CPNE4: variants seen among roughly 807,000 people sequenced by gnomAD.
CPNE4 encodes the protein copine 4, also known as copine-4.
CPNE4 carries 25 observed loss-of-function variants against 67.9 expected under a neutral mutation model. The ratio of observed to expected loss-of-function variants is 0.37; its 90% CI spans 0.27 to 0.51. The LOEUF is 0.51. Ranked by LOEUF, CPNE4 falls within the 20% of genes least tolerant of loss-of-function variation. The pLI, the probability that CPNE4 is intolerant of heterozygous loss-of-function variation, is 0.93. For missense variants in CPNE4, 464 were observed against 690.8 expected (o/e 0.67, Z 3.68); for synonymous variants, 242 against 244.9 (o/e 0.99, Z 0.11).
chr3:131,904,009 T>C (rs542869804), intron 2 of CPNE4, among the ~76,000 whole-genome samples: 1 of 152,122 alleles, frequency 6.6e-6, no homozygotes, highest in South Asian at 2.1e-4. Flanking sequence ...AATAAACTTT[T>C]TGTAAAAACC....
chr3:131,847,870 G>C (rs930698734), intron 2 of CPNE4, among the ~76,000 whole-genome samples: 3 of 152,032 alleles, frequency 2.0e-5, no homozygotes, highest in African/African-American at 7.3e-5. Context: ...TGAACTCGAG[G>C]GTGAAAGTAG....
chr3:131,648,001 A>G (rs2079708913), intron 7 of CPNE4, among the ~76,000 whole-genome samples: 1 of 152,164 alleles, frequency 6.6e-6, no homozygotes, highest in African/African-American at 2.4e-5. Context: ...CTCTGACAAT[A>G]TCATTTTTCT....
intron 15 of CPNE4, among the ~76,000 whole-genome samples, chr3:131,536,278 G>A (rs982245403): frequency 3.3e-5 from 5 of 152,178 alleles, no homozygotes; most frequent in Admixed American, 3.3e-4. Flanking sequence ...GTGATTTATG[G>A]TGATGATTCT....
chr3:131,732,008 A>G (rs375600006), intron 2 of CPNE4, among the ~76,000 whole-genome samples: 2 of 152,148 alleles, frequency 1.3e-5, no homozygotes, highest in African/African-American at 4.8e-5. Flanking sequence ...GCAATTTAAA[A>G]ATCTACCCAG....
intron 2 of CPNE4, among the ~76,000 whole-genome samples, chr3:131,854,789 C>A (rs2086373282): frequency 6.6e-6 from 1 of 151,402 alleles, no homozygotes; most frequent in Non-Finnish European, 1.5e-5. Flanking sequence ...TCTTTCATTA[C>A]TCCCCACCCT....
At chr3:131,580,029 G>C (rs546754015) in intron 9 of CPNE4, among the ~76,000 whole-genome samples, 1 of 152,238 alleles carries the variant, frequency 6.6e-6, no homozygotes, top group South Asian at 2.1e-4. Context: ...TTCATTAAAG[G>C]AGGAGTCAAT....
intron 3 of CPNE4, among the ~76,000 whole-genome samples, chr3:131,712,600 T>G (rs2081586748): frequency 6.6e-6 from 1 of 152,242 alleles, no homozygotes; most frequent in Non-Finnish European, 1.5e-5. Context: ...TAAAAGTAAT[T>G]GGAAGAGAGT....
At chr3:131,788,451 C>T (rs748294819) in intron 2 of CPNE4, among the ~76,000 whole-genome samples, 7 of 151,728 alleles carry the variant, frequency 4.6e-5, no homozygotes, top group South Asian at 2.1e-4. Context: ...ATTTTAAAAC[C>T]GAGGGGAAAG....
chr3:131,682,866 A>G (rs2080792635), intron 6 of CPNE4, among the ~76,000 whole-genome samples: 1 of 150,848 alleles, frequency 6.6e-6, no homozygotes, highest in South Asian at 2.1e-4. Flanking sequence ...AGTTTTTCCC[A>G]CTCTTCCCTC....
At chr3:131,739,756 A>T (rs1285861025) in intron 2 of CPNE4, among the ~76,000 whole-genome samples, 1 of 152,226 alleles carries the variant, frequency 6.6e-6, no homozygotes, top group Non-Finnish European at 1.5e-5. Flanking sequence ...GATACAATCA[A>T]TATCTTTACT....
At chr3:132,014,906 T>G (rs1398036769) in intron 1 of CPNE4, among the ~76,000 whole-genome samples, 1 of 152,194 alleles carries the variant, frequency 6.6e-6, no homozygotes, top group Non-Finnish European at 1.5e-5. Context: ...TCCTATTATT[T>G]TTGTAAAATA....
chr3:131,672,686 GA>G (rs2080452333), intron 6 of CPNE4, among the ~76,000 whole-genome samples: 1 of 151,796 alleles, frequency 6.6e-6, no homozygotes. Flanking sequence ...TGAATTATTA[GA>G]TTTTTTTTCT....
chr3:131,587,314 C>A (rs971189967), intron 8 of CPNE4, among the ~76,000 whole-genome samples, 170 bp downstream of exon 8: 2 of 152,182 alleles, frequency 1.3e-5, no homozygotes, highest in Non-Finnish European at 2.9e-5. Flanking sequence ...CACACAATTG[C>A]TTTGGGTTGG....
intron 6 of CPNE4, among the ~76,000 whole-genome samples, chr3:131,682,995 G>C (rs955316034): frequency 6.6e-6 from 1 of 152,060 alleles, no homozygotes; most frequent in African/African-American, 2.4e-5. Context: ...GTCAGCTTGT[G>C]GTGAATGCTC....
chr3:131,978,088 A>AT (rs2072726105), intron 1 of CPNE4, among the ~76,000 whole-genome samples: 1 of 26,528 alleles, frequency 3.8e-5, no homozygotes, highest in African/African-American at 2.6e-4. Context: ...AATATATATA[A>AT]ATATATATAT....
At chr3:131,798,529 C>T (rs2083983168) in intron 2 of CPNE4, among the ~76,000 whole-genome samples, 1 of 152,072 alleles carries the variant, frequency 6.6e-6, no homozygotes, top group Admixed American at 6.6e-5. Flanking sequence ...AAATGTATAC[C>T]TACAGTGTTA....
At chr3:132,005,336 TATATATACACACACAC>T (rs1390187888) in intron 1 of CPNE4, among the ~76,000 whole-genome samples, 3 of 24,358 alleles carry the variant, frequency 1.2e-4, no homozygotes, top group African/African-American at 4.4e-4. Context: ...TATATATATA[TATATATACACACACAC>T]ACACACACAC....
upstream of CPNE4, among the ~76,000 whole-genome samples, chr3:132,035,982 C>G (rs1453221550): frequency 1.3e-5 from 2 of 152,190 alleles, no homozygotes; most frequent in Admixed American, 1.3e-4. Context: ...AATCTTTTCA[C>G]TAACCATGAA....
chr3:131,846,787 T>C (rs927421629), intron 2 of CPNE4, among the ~76,000 whole-genome samples: 17 of 152,186 alleles, frequency 1.1e-4, no homozygotes, highest in Admixed American at 5.2e-4. Context: ...CTGTTTCAGA[T>C]GGCAGGCTGA....
Sources: gnomAD v4.1 joint callset for allele counts (sites outside exome capture counted in the v4.1 genomes callset) on GRCh38, gnomAD v4.1.1 for gene constraint, MANE v1.5 for transcripts, NCBI Gene and HGNC (gene_info 2026-07-23, HGNC 2026-07-21) for gene names.